The following TBL1X variants were observed in gnomAD, a reference collection of about 807,000 sequenced individuals.
TBL1X encodes transducin beta like 1 X-linked, also known as F-box-like/WD repeat-containing protein TBL1X.
Under a neutral mutation model 50.7 loss-of-function variants are expected in TBL1X, and 10 were observed. That is an observed-to-expected ratio of 0.20 (90% confidence interval 0.12 to 0.33). TBL1X has a LOEUF of 0.33. Ranked by LOEUF, TBL1X falls within the 10% of genes least tolerant of loss-of-function variation. The pLI is 1.00. For synonymous variants in TBL1X, 190 were observed against 214.7 expected, an observed-to-expected ratio of 0.88 and a Z score of 1.01; for missense variants, 340 against 504.4, an observed-to-expected ratio of 0.67 and a Z score of 3.12.
chrX:9,581,564 G>C (rs1361834094), intron 2 of TBL1X, among the ~76,000 whole-genome samples: 1 of 111,953 alleles, frequency 8.9e-6, no homozygotes, highest in Non-Finnish European at 1.9e-5. Flanking sequence ...CTGTTGGCTA[G>C]TGGGTGGAGC....
chrX:9,640,619 GTTTTGTTTTGT>G (rs199985360), intron 3 of TBL1X, among the ~76,000 whole-genome samples: 3,196 of 110,622 alleles, frequency 0.029, 49 homozygotes, highest in Non-Finnish European at 0.045. Flanking sequence ...TTTTTGTTTT[GTTTTGTTTTGT>G]TTTTGTTTGT....
At chrX:9,527,824 G>A (rs182570779) in intron 2 of TBL1X, among the ~76,000 whole-genome samples, 1 of 110,898 alleles carries the variant, frequency 9.0e-6, no homozygotes, top group East Asian at 2.8e-4. Context: ...TGGTGGAGGA[G>A]TGGAGCAGGG....
At chrX:9,683,571 G>C (rs760443817) in intron 5 of TBL1X, among the ~76,000 whole-genome samples, 75 of 111,642 alleles carry the variant, frequency 6.7e-4, no homozygotes, top group African/African-American at 2.4e-3. Context: ...CTCAGGGTCA[G>C]CGTTTGCTGT....
chrX:9,484,317 TACAC>T (rs746013426), intron 1 of TBL1X, among the ~76,000 whole-genome samples: 42 of 108,799 alleles, frequency 3.9e-4, no homozygotes, highest in Non-Finnish European at 6.7e-4. Flanking sequence ...CGTTTTTTCA[TACAC>T]ACACACACAC....
intron 1 of TBL1X, among the ~76,000 whole-genome samples, chrX:9,467,948 G>GGGAGCCTGACTTCAGATGCCT (rs1169404349): frequency 8.9e-6 from 1 of 112,472 alleles, no homozygotes; most frequent in Non-Finnish European, 1.9e-5. Flanking sequence ...CCTGGCCAGC[G>GGGAGCCTGACTTCAGATGCCT]GGAGCCTGAC....
Position 9,653,632 on chromosome X carries a change from G to A in TBL1X, c.46G>A (p.Ala16Thr). The A allele has an allele frequency of 8.5e-7, 1 of 1,173,844 alleles. No homozygotes were observed. The highest frequency in any genetic ancestry group is 1.1e-6 in the Non-Finnish European group (1 of 876,052). Residue 16 changes from alanine to threonine, a missense_variant, in exon 4 of 18, where the codon GCA becomes ACA. Coordinates refer to ENST00000645353, the MANE Select transcript of TBL1X (RefSeq NM_005647.4). ...CTCTTCATCGTGCTGCCACCGCCCT[G>A]CAGGAAGAGGGGCCATGCAGTCAGT... ...GASSSCCHRP[A>T]GRGAMQSVLH... is the part of the protein sequence containing the mutation.
chrX:9,620,136 C>T (rs758517219), intron 2 of TBL1X, among the ~76,000 whole-genome samples: 3 of 111,887 alleles, frequency 2.7e-5, no homozygotes, highest in East Asian at 2.8e-4. Flanking sequence ...GATGTGGTAC[C>T]GTGTGGCTTC....
At chrX:9,534,046 G>A (rs1601739159) in intron 2 of TBL1X, among the ~76,000 whole-genome samples, 2 of 111,781 alleles carry the variant, frequency 1.8e-5, no homozygotes, top group Admixed American at 1.9e-4. Context: ...GGAGGCAGGC[G>A]AGGAGAAGGG....
chrX:9,519,807 A>G (rs1313780574), intron 2 of TBL1X, among the ~76,000 whole-genome samples: 1 of 111,955 alleles, frequency 8.9e-6, no homozygotes, highest in African/African-American at 3.2e-5. Context: ...AGGAACGGGG[A>G]TAAAAATTAG....
chrX:9,470,343 G>A (rs1029741279), intron 1 of TBL1X, among the ~76,000 whole-genome samples: 4 of 112,183 alleles, frequency 3.6e-5, no homozygotes, highest in East Asian at 5.6e-4. Flanking sequence ...CGCGATCTCC[G>A]CCCGCAAGTT....
intron 2 of TBL1X, among the ~76,000 whole-genome samples, chrX:9,516,929 TAA>T (rs769036618): frequency 9.2e-6 from 1 of 109,223 alleles, no homozygotes; most frequent in African/African-American, 3.3e-5. Flanking sequence ...CACATTAAGT[TAA>T]AAAAAAAATC....
Position 9,719,671 on chromosome X carries a change from AT to A in TBL1X, c.*3428del, listed in dbSNP as rs763945417. On this transcript the variant is annotated 3_prime_UTR_variant, in exon 18 of 18. Coordinates refer to ENST00000645353, the MANE Select transcript of TBL1X (RefSeq NM_005647.4). ...AAAATCACCTTGTGTGTTGTAGCTC[AT>A]TTGTTTCAAGAGAGAATCAACAGAT... 8 of 111,235 alleles carry A rather than the reference AT, an allele frequency of 7.2e-5. No individual in the cohort carries two copies. The highest frequency in any genetic ancestry group is 2.6e-4 in the African/African-American group (8 of 30,547). The allele number at this position is 111,235 out of a possible 1,213,427, so 9.2% of individuals were successfully genotyped here.
chrX:9,678,468 A>G (rs1343711897), intron 5 of TBL1X, among the ~76,000 whole-genome samples: 2 of 112,634 alleles, frequency 1.8e-5, no homozygotes, highest in Admixed American at 9.4e-5. Context: ...TTGCAAGCCC[A>G]TGATCTAGGC....
intron 2 of TBL1X, among the ~76,000 whole-genome samples, chrX:9,538,861 C>T (rs190088776): frequency 1.4e-4 from 16 of 112,794 alleles, no homozygotes; most frequent in Admixed American, 5.6e-4. Flanking sequence ...TGCCAGAGTG[C>T]GTGTGCACCT....
rs192192207 is a variant in TBL1X, at chrX:9,699,514, A to G, written c.1114+2085A>G. 1.4e-3 allele frequency among the ~76,000 whole-genome samples: 153 copies of G among 111,568 alleles called. 2 individuals are homozygous for G. The highest frequency in any genetic ancestry group is 4.9e-3 in the African/African-American group (149 of 30,691). Reference sequence around the variant, plus strand: ...GGGGCATTGTCCAGGAGGAGATCTGAGTGTCTTTCTTGTCATGCAGCTTGG... The same window carrying G: ...GGGGCATTGTCCAGGAGGAGATCTGGGTGTCTTTCTTGTCATGCAGCTTGG... On this transcript the variant is annotated intron_variant, in intron 12 of 17. Coordinates refer to ENST00000645353, the MANE Select transcript of TBL1X (RefSeq NM_005647.4).
chrX:9,625,868 G>T (rs768997478), intron 2 of TBL1X, among the ~76,000 whole-genome samples: 39 of 112,368 alleles, frequency 3.5e-4, no homozygotes, highest in Non-Finnish European at 5.6e-4. Flanking sequence ...GAACCCGGCG[G>T]GGGGGCGGAG....
chrX:9,715,172 T>G (rs929513097), intron 17 of TBL1X, among the ~76,000 whole-genome samples, 169 bp downstream of exon 17: 16 of 111,945 alleles, frequency 1.4e-4, no homozygotes, highest in African/African-American at 5.2e-4. Flanking sequence ...GGGAATGGCC[T>G]TCTCCTTGTC....
At chrX:9,540,549 G>A (rs771964466) in intron 2 of TBL1X, among the ~76,000 whole-genome samples, 1 of 112,726 alleles carries the variant, frequency 8.9e-6, no homozygotes, top group South Asian at 3.6e-4. Flanking sequence ...ATTAAAAACT[G>A]TGCTTGTTAG....
intron 5 of TBL1X, among the ~76,000 whole-genome samples, chrX:9,671,421 G>A (rs890829335): frequency 1.8e-5 from 2 of 113,098 alleles, no homozygotes; most frequent in Non-Finnish European, 3.7e-5. Flanking sequence ...GGCCCATGCC[G>A]AGGGGTTCAG....
Sources: allele counts gnomAD v4.1 joint callset (sites outside exome capture counted in the v4.1 genomes callset), GRCh38; gene constraint gnomAD v4.1.1; transcripts MANE v1.5; gene names NCBI Gene and HGNC (gene_info 2026-07-23, HGNC 2026-07-21).